Variants in FBXW7 observed in about 807,000 individuals in gnomAD.
FBXW7 encodes the protein F-box and WD repeat domain containing 7.
A neutral mutation model predicts 86.3 loss-of-function variants in FBXW7; 11 were observed. The observed-to-expected ratio is 0.13, with a 90% CI of 0.08 to 0.21. The LOEUF is 0.21. Ranked by LOEUF, FBXW7 falls within the 10% of genes least tolerant of loss-of-function variation. FBXW7 has a pLI of 1.00. For synonymous variants in FBXW7, 313 were observed against 297.9 expected (o/e 1.05, Z -0.52); for missense variants, 488 against 847.4 (o/e 0.58, Z 5.27).
intron 2 of FBXW7, among the ~76,000 whole-genome samples, chr4:152,424,262 C>A (rs575999327): frequency 6.6e-6 from 1 of 152,154 alleles, no homozygotes; most frequent in Admixed American, 6.5e-5. Context: ...CAGCCACCCA[C>A]GACTTTGATG....
chr4:152,382,300 GC>G (rs765674782), intron 4 of FBXW7: 2 of 1,597,126 alleles, frequency 1.3e-6, no homozygotes, highest in South Asian at 2.3e-5. Flanking sequence ...CAGGAACCAA[GC>G]CATGGTTTAG....
rs1311600826 is a variant in FBXW7, at chr4:152,350,743, G to A, written c.502-619C>T. Among the ~76,000 whole-genome samples, 4 of 151,800 alleles carry A rather than the reference G, an allele frequency of 2.6e-5. No homozygotes were observed. The South Asian group carries it at 6.2e-4, about 24-fold the overall frequency. ...CTGGAGATAGTATAATAACGCTGAG[G>A]GGAAAGTTGTCAATTGATATATATA... On this transcript the variant is annotated intron_variant, in intron 4 of 13. Transcript: ENST00000281708.
In FBXW7 at chr4:152,322,324, CAAAAAAA is replaced by C. The variant is rs3841114; in HGVS notation, c.*550_*556del. ...ATTGATTGACATTGGCAATGGTTGGCAAAAAAAAAAAAAAAAAAGCTTTTCATGATAA... is the reference window on the plus strand; with the variant it reads ...ATTGATTGACATTGGCAATGGTTGGCAAAAAAAAAAAGCTTTTCATGATAA... On this transcript the variant is annotated 3_prime_UTR_variant, in exon 14 of 14. Transcript: ENST00000281708. 5 of 162,224 alleles carry C rather than the reference CAAAAAAA, an allele frequency of 3.1e-5. No individual in the cohort carries two copies. The highest frequency in any genetic ancestry group is 6.2e-5 in the African/African-American group (2 of 32,156). 10.0% of individuals were successfully genotyped at this position (162,224 alleles called of 1,614,324 possible).
chr4:152,485,967 G>A (rs1184553151), intron 2 of FBXW7, among the ~76,000 whole-genome samples: 1 of 152,148 alleles, frequency 6.6e-6, no homozygotes, highest in Non-Finnish European at 1.5e-5. Context: ...ATCACAGAGT[G>A]TATTTACACA....
chr4:152,433,523 T>C (rs1740096291), intron 2 of FBXW7, among the ~76,000 whole-genome samples: 1 of 152,236 alleles, frequency 6.6e-6, no homozygotes, highest in Admixed American at 6.5e-5. Context: ...AACTGTTTTT[T>C]CCACCACTTT....
At chr4:152,516,516 G>A (rs1187514547) in intron 2 of FBXW7, among the ~76,000 whole-genome samples, 1 of 152,174 alleles carries the variant, frequency 6.6e-6, no homozygotes, top group African/African-American at 2.4e-5. Flanking sequence ...AAAAAGGCTG[G>A]GGACTGCTTC....
At chr4:152,343,212 C>T (rs1022018080) in intron 6 of FBXW7, among the ~76,000 whole-genome samples, 7 of 152,002 alleles carry the variant, frequency 4.6e-5, no homozygotes, top group Admixed American at 1.3e-4. Context: ...TTCCAATATG[C>T]TTTAATTAAA....
rs893042432 is a variant in FBXW7 at position 152,354,084 on chromosome 4, A to G, written c.502-3960T>C. Among the ~76,000 whole-genome samples, 3 of 152,140 alleles carry G rather than the reference A, an allele frequency of 2.0e-5. No individual in the cohort carries two copies. The East Asian group carries it at 5.8e-4, about 29-fold the overall frequency. On this transcript the variant is annotated intron_variant, in intron 4 of 13. Transcript: ENST00000281708. Reference sequence around the variant, plus strand: ...GTAGTATCATAATTTTAAAAATAAAAATGTTTACCTTTATAACTAAGACAT... The same window carrying G: ...GTAGTATCATAATTTTAAAAATAAAGATGTTTACCTTTATAACTAAGACAT...
intron 2 of FBXW7, among the ~76,000 whole-genome samples, chr4:152,517,355 T>C (rs959595566): frequency 8.5e-5 from 13 of 152,206 alleles, no homozygotes; most frequent in Admixed American, 3.3e-4. Flanking sequence ...TACTATCTAA[T>C]TAATAGTATA....
At chr4:152,531,272 G>C (rs962629330) in intron 2 of FBXW7, among the ~76,000 whole-genome samples, 1 of 152,184 alleles carries the variant, frequency 6.6e-6, no homozygotes, top group Non-Finnish European at 1.5e-5. Context: ...GACAAGAGAA[G>C]GCCTCCATAT....
At chr4:152,355,146 G>C (rs1481880169) in intron 4 of FBXW7, among the ~76,000 whole-genome samples, 2 of 152,026 alleles carry the variant, frequency 1.3e-5, no homozygotes, top group African/African-American at 4.8e-5. Flanking sequence ...TGAAAACTGT[G>C]ATCTATTATA....
rs1728583529 is a variant in FBXW7 at position 152,321,822 on chromosome 4, G to C, written c.*1059C>G. The C allele has an allele frequency of 4.3e-6, 1 of 232,696 alleles. No homozygotes were observed. The highest frequency in any genetic ancestry group is 8.5e-6 in the Non-Finnish European group (1 of 117,518). The allele number at this position is 232,696 out of a possible 1,614,324, so 14.4% of individuals were successfully genotyped here. ...AGGCAAGTAATAGCTCTGTTCCAAG[G>C]AATGTGTTTTAATTTTTGCCCAGAT... is the stretch of plus-strand genomic sequence containing the variant. On this transcript the variant is annotated 3_prime_UTR_variant, in exon 14 of 14. Transcript: ENST00000281708.
intron 2 of FBXW7, among the ~76,000 whole-genome samples, chr4:152,432,521 T>C (rs753261790): frequency 1.3e-5 from 2 of 152,102 alleles, no homozygotes; most frequent in Non-Finnish European, 2.9e-5. Flanking sequence ...ACACAGAATA[T>C]TTCAGCCAGG....
chr4:152,327,530 C>T (rs1729160161), intron 11 of FBXW7, among the ~76,000 whole-genome samples: 1 of 151,998 alleles, frequency 6.6e-6, no homozygotes. Flanking sequence ...ATAAAAGCAA[C>T]AGCAAAGGCA....
At chr4:152,450,741 T>C (rs1035631113) in intron 2 of FBXW7, among the ~76,000 whole-genome samples, 8 of 152,290 alleles carry the variant, frequency 5.3e-5, no homozygotes, top group African/African-American at 1.9e-4. Context: ...ATAAATCATG[T>C]GTCTAATATT....
chr4:152,467,251 C>A (rs1743537921), intron 2 of FBXW7, among the ~76,000 whole-genome samples: 1 of 151,998 alleles, frequency 6.6e-6, no homozygotes, highest in Non-Finnish European at 1.5e-5. Flanking sequence ...TGACTGAGTT[C>A]CCACAAGATC....
chr4:152,437,267 C>A (rs1740464768), intron 2 of FBXW7, among the ~76,000 whole-genome samples: 2 of 151,920 alleles, frequency 1.3e-5, no homozygotes, highest in Non-Finnish European at 2.9e-5. Flanking sequence ...GAGGGCTACT[C>A]AGGAGGCTGA....
chr4:152,453,741 CGTG>C (rs1163133770), intron 2 of FBXW7, among the ~76,000 whole-genome samples: 3 of 151,886 alleles, frequency 2.0e-5, no homozygotes, highest in Non-Finnish European at 4.4e-5. Flanking sequence ...GCAGCAAAAA[CGTG>C]GTCAGTGAAC....
intron 4 of FBXW7, among the ~76,000 whole-genome samples, chr4:152,393,773 G>A (rs1736189507): frequency 6.6e-6 from 1 of 152,040 alleles, no homozygotes; most frequent in South Asian, 2.1e-4. Flanking sequence ...ACCAAGTAAT[G>A]CATCTCCTAA....
Sources: gnomAD v4.1 joint callset for allele counts (sites outside exome capture counted in the v4.1 genomes callset) on GRCh38, gnomAD v4.1.1 for gene constraint, MANE v1.5 for transcripts, NCBI Gene and HGNC (gene_info 2026-07-23, HGNC 2026-07-21) for gene names.